The following UNC5B variants were observed in gnomAD, a reference collection of about 807,000 sequenced individuals.
UNC5B encodes the protein unc-5 netrin receptor B, also known as netrin receptor UNC5B.
UNC5B carries 56 observed loss-of-function variants against 103.7 expected under a neutral mutation model. The ratio of observed to expected loss-of-function variants is 0.54; its 90% CI spans 0.44 to 0.67. The LOEUF (loss-of-function observed/expected upper bound fraction) is 0.67. Among genes scored for constraint, UNC5B ranks in the 30% least tolerant of loss-of-function variants. The pLI, the probability that UNC5B is intolerant of heterozygous loss-of-function variation, is 0.00. For missense variants in UNC5B, 1,194 were observed against 1,284.5 expected (o/e 0.93, Z 1.08); for synonymous variants, 577 against 542.0 (o/e 1.06, Z -0.90).
intron 2 of UNC5B, among the ~76,000 whole-genome samples, chr10:71,281,363 CAG>C (rs1844922640): frequency 6.8e-6 from 1 of 147,722 alleles, no homozygotes; most frequent in Admixed American, 6.7e-5. Context: ...TTTTTGGAGA[CAG>C]AGTCTCGCTC....
intron 1 of UNC5B, among the ~76,000 whole-genome samples, chr10:71,255,951 G>A (rs902834510): frequency 5.3e-5 from 8 of 152,224 alleles, no homozygotes; most frequent in African/African-American, 1.7e-4. Flanking sequence ...GGAGGAAATC[G>A]ACTATGTATT....
At chr10:71,216,335 A>G (rs1843328834) in intron 1 of UNC5B, among the ~76,000 whole-genome samples, 1 of 152,228 alleles carries the variant, frequency 6.6e-6, no homozygotes, top group Non-Finnish European at 1.5e-5. Context: ...ACTGGAACTC[A>G]TGGCAGGATG....
chr10:71,284,612 A>C, intron 2 of UNC5B, 108 bp from the exon 3 acceptor site: 2 of 1,512,120 alleles, frequency 1.3e-6, no homozygotes, highest in Non-Finnish European at 1.8e-6. Context: ...AGGGAAAGGC[A>C]CTTGGGCAAG....
rs763618994 is a variant in UNC5B, at chr10:71,299,476, G to A, written c.*199G>A. 110 of 611,992 alleles carry A rather than the reference G, an allele frequency of 1.8e-4. 1 individual carries two copies. The Middle Eastern group carries it at 5.5e-3, about 31-fold the overall frequency. 37.9% of individuals were successfully genotyped at this position (611,992 alleles called of 1,614,324 possible). ...GTACTCTGTTGTTAGAGGGCCCAGAGTTCCTTCTCCACCCCCGCTCTCTCT... is the reference window on the plus strand; with the variant it reads ...GTACTCTGTTGTTAGAGGGCCCAGAATTCCTTCTCCACCCCCGCTCTCTCT... On this transcript the variant is annotated 3_prime_UTR_variant, in exon 17 of 17. Coordinates refer to ENST00000335350, the MANE Select transcript of UNC5B (RefSeq NM_170744.5).
At chr10:71,249,429 C>A (rs1474048829) in intron 1 of UNC5B, among the ~76,000 whole-genome samples, 2 of 152,220 alleles carry the variant, frequency 1.3e-5, no homozygotes, top group Admixed American at 1.3e-4. Flanking sequence ...GGGGTGGGGA[C>A]AAAAGTGACA....
intron 1 of UNC5B, among the ~76,000 whole-genome samples, chr10:71,225,129 G>C (rs533180536): frequency 3.0e-4 from 46 of 152,342 alleles, no homozygotes; most frequent in Non-Finnish European, 5.6e-4. Context: ...ATCTGTCTCT[G>C]TGTGATACGC....
At chr10:71,214,096 C>A (rs2132231320) in intron 1 of UNC5B, among the ~76,000 whole-genome samples, 1 of 152,216 alleles carries the variant, frequency 6.6e-6, no homozygotes, top group Admixed American at 6.5e-5. Flanking sequence ...GGCTGCCGGG[C>A]GGCTCGGCTC....
intron 1 of UNC5B, chr10:71,217,646 C>T (rs1389746577): frequency 6.6e-6 from 1 of 152,496 alleles, no homozygotes; most frequent in Admixed American, 6.5e-5. Flanking sequence ...CTAATGGCAG[C>T]GAAAATATTT....
Position 71,291,109 on chromosome 10 carries a change from A to G in UNC5B, c.1294A>G (p.Ser432Gly), listed in dbSNP as rs746922146. ...CGTCAACTTTAAGACGGCAAGGCCC[A>G]GTAAGAACCCGAGGATGTCTGGGGT... Reference protein sequence around the residue: ...HPVNFKTARPSNPQLLHPSVP... With the variant: ...HPVNFKTARPGNPQLLHPSVP... The change falls in exon 9 of 17, where the codon AGC becomes GGC. Residue 432 changes from serine (S) to glycine (G), a missense_variant and splice_region_variant. Coordinates refer to ENST00000335350, the MANE Select transcript of UNC5B (RefSeq NM_170744.5). The G allele has an allele frequency of 3.1e-6, 5 of 1,611,952 alleles. No individual in the cohort carries two copies. The South Asian group carries it at 5.5e-5, about 18-fold the overall frequency.
At chr10:71,292,648 C>A in intron 11 of UNC5B, 94 bp downstream of exon 11, 1 of 1,041,486 alleles carries the variant, frequency 9.6e-7, no homozygotes, top group Non-Finnish European at 1.4e-6. Flanking sequence ...ATGCCAAGAC[C>A]AAACAGTCCT....
At chr10:71,216,024 C>T (rs967941893) in intron 1 of UNC5B, among the ~76,000 whole-genome samples, 1 of 152,104 alleles carries the variant, frequency 6.6e-6, no homozygotes, top group South Asian at 2.1e-4. Flanking sequence ...CTCTCCTCCA[C>T]CTCTCTCCCC....
At chr10:71,222,497 C>T (rs2244140) in intron 1 of UNC5B, among the ~76,000 whole-genome samples, 130,905 of 152,188 alleles carry the variant, frequency 0.86, 57,769 homozygotes, top group East Asian at 1. Flanking sequence ...TTTCCATTGC[C>T]TTCCCTTCTC....
At chr10:71,229,448 C>T (rs753550631) in intron 1 of UNC5B, among the ~76,000 whole-genome samples, 2 of 152,222 alleles carry the variant, frequency 1.3e-5, no homozygotes, top group Non-Finnish European at 2.9e-5. Context: ...TGACAGTGTC[C>T]TCCTCCGCCC....
At chr10:71,295,037 C>T (rs1350801069) in intron 13 of UNC5B, among the ~76,000 whole-genome samples, 2 of 152,198 alleles carry the variant, frequency 1.3e-5, no homozygotes, top group Non-Finnish European at 2.9e-5. Flanking sequence ...ACTTTCTGTT[C>T]CTGCTCCCTG....
chr10:71,224,239 A>C (rs1004102739), intron 1 of UNC5B, among the ~76,000 whole-genome samples: 3 of 145,910 alleles, frequency 2.1e-5, no homozygotes, highest in Non-Finnish European at 3.1e-5. Flanking sequence ...ACACAGACAC[A>C]GACACACACA....
intron 6 of UNC5B, 151 bp downstream of exon 6, chr10:71,287,916 T>A: frequency 2.8e-6 from 3 of 1,076,808 alleles, no homozygotes; most frequent in Non-Finnish European, 3.9e-6. Context: ...GCTGACTAGA[T>A]GCTCTGATCT....
chr10:71,261,193 C>T (rs1031054283), intron 1 of UNC5B, among the ~76,000 whole-genome samples: 3 of 152,192 alleles, frequency 2.0e-5, no homozygotes, highest in Non-Finnish European at 4.4e-5. Flanking sequence ...TCTCTGGACC[C>T]TGTTTTTCCC....
chr10:71,284,568 G>T lies in UNC5B; in HGVS notation c.305-152G>T, dbSNP rs190759495. The T allele has an allele frequency of 3.3e-4, 387 of 1,156,796 alleles. 1 individual carries two copies. The highest frequency in any genetic ancestry group is 1.0e-3 in the Admixed American group (45 of 43,984). 71.7% of individuals were successfully genotyped at this position (1,156,796 alleles called of 1,614,324 possible). ...GTGCAGGTGAGTGGCCATGAAGCTT[G>T]AGCCAGGGTGGAGACAGGAGACAAG... On this transcript the variant is annotated intron_variant, in intron 2 of 16. Coordinates refer to ENST00000335350, the MANE Select transcript of UNC5B (RefSeq NM_170744.5).
chr10:71,288,319 TG>T (rs1845147162), intron 6 of UNC5B, among the ~76,000 whole-genome samples: 1 of 152,232 alleles, frequency 6.6e-6, no homozygotes, highest in South Asian at 2.1e-4. Context: ...TATATCGTGT[TG>T]ATGACCTTAT....
Sources: gnomAD v4.1 joint callset for allele counts (sites outside exome capture counted in the v4.1 genomes callset) on GRCh38, gnomAD v4.1.1 for gene constraint, MANE v1.5 for transcripts, NCBI Gene and HGNC (gene_info 2026-07-23, HGNC 2026-07-21) for gene names.